The following SLCO2A1 variants were observed in gnomAD, a reference collection of about 807,000 sequenced individuals.
The protein encoded by SLCO2A1 is solute carrier organic anion transporter family member 2A1.
In SLCO2A1, 60 loss-of-function variants were observed where a neutral mutation model predicts 71.7. The ratio of observed to expected loss-of-function variants is 0.84; its 90% CI spans 0.68 to 1.04. The LOEUF (loss-of-function observed/expected upper bound fraction) is 1.04. Ranked by LOEUF, SLCO2A1 falls within the 50% of genes least tolerant of loss-of-function variation. The pLI, the probability that SLCO2A1 is intolerant of heterozygous loss-of-function variation, is 0.00. For synonymous variants in SLCO2A1, 308 were observed against 326.7 expected (o/e 0.94, Z 0.62); for missense variants, 745 against 813.4 (o/e 0.92, Z 1.02).
chr3:133,973,160 G>A (rs1332840508), intron 3 of SLCO2A1, among the ~76,000 whole-genome samples: 1 of 152,218 alleles, frequency 6.6e-6, no homozygotes, highest in Non-Finnish European at 1.5e-5. Flanking sequence ...TTCAGTGGTT[G>A]TTAAGTCATA....
At position 133,933,478 on chromosome 3, in the gene SLCO2A1, T is replaced by C. The variant is rs1131598; in HGVS notation, c.*1235A>G. The stretch of plus-strand genomic sequence containing the variant: ...TTGCACAAAGTCGGTCTCCAATAAA[T>C]ATATTTGTTGATGAATGACCTCCTT... On this transcript the variant is annotated 3_prime_UTR_variant, in exon 14 of 14. Transcript: ENST00000310926. The C allele has an allele frequency of 0.25, 37,535 of 152,096 alleles. 5,030 individuals are homozygous for C. Among genetic ancestry groups the C allele is most frequent in the East Asian group, 0.48 (2,490 of 5,164 alleles). 9.4% of individuals were successfully genotyped at this position (152,096 alleles called of 1,614,324 possible).
At chr3:133,968,000 C>T (rs1296758114) in intron 3 of SLCO2A1, among the ~76,000 whole-genome samples, 1 of 119,252 alleles carries the variant, frequency 8.4e-6, no homozygotes, top group East Asian at 2.5e-4. Context: ...AACACATGCA[C>T]ACACACTTCC....
At chr3:134,013,473 G>T (rs1382602277) in intron 1 of SLCO2A1, among the ~76,000 whole-genome samples, 1 of 152,254 alleles carries the variant, frequency 6.6e-6, no homozygotes, top group South Asian at 2.1e-4. Flanking sequence ...GCCTCATTGT[G>T]CTCTCTAGCT....
At chr3:133,945,624 C>T (rs887967320) in intron 9 of SLCO2A1, among the ~76,000 whole-genome samples, 9 of 152,114 alleles carry the variant, frequency 5.9e-5, no homozygotes, top group South Asian at 2.1e-4. Context: ...CTTCTTCAGC[C>T]GAAAAACAGT....
chr3:133,956,337 G>A (rs1419486847), intron 3 of SLCO2A1, among the ~76,000 whole-genome samples: 2 of 152,108 alleles, frequency 1.3e-5, no homozygotes, highest in Non-Finnish European at 2.9e-5. Context: ...AGGGGTCTGT[G>A]CTCTTCATTG....
At chr3:133,939,129 G>C (rs1933349407) in intron 11 of SLCO2A1, among the ~76,000 whole-genome samples, 1 of 152,218 alleles carries the variant, frequency 6.6e-6, no homozygotes, top group African/African-American at 2.4e-5. Flanking sequence ...GCAGCTGTCT[G>C]GAAATTCTTA....
In SLCO2A1 at chr3:134,005,521, G is replaced by A. The variant is rs535435594; in HGVS notation, c.96+24186C>T. Among the ~76,000 whole-genome samples the A allele has an allele frequency of 8.9e-4, 124 of 139,910 alleles. 2 individuals are homozygous for A. The highest frequency in any genetic ancestry group is 3.1e-3 in the African/African-American group (116 of 37,468). 91.8% of individuals were successfully genotyped at this position (139,910 alleles called of 152,430 possible). ...TTTTTAGACGGAGTCTTGCTCTGCT[G>A]CCCAGGCTGGAGTGCAGTGGCGCAA... On this transcript the variant is annotated intron_variant, in intron 1 of 13. Coordinates refer to ENST00000310926, the MANE Select transcript of SLCO2A1 (RefSeq NM_005630.3).
At chr3:133,966,259 T>C (rs1485102482) in intron 3 of SLCO2A1, among the ~76,000 whole-genome samples, 1 of 152,202 alleles carries the variant, frequency 6.6e-6, no homozygotes, top group Non-Finnish European at 1.5e-5. Context: ...GCACAGACCT[T>C]ATGGTATACA....
At chr3:133,977,383 C>T (rs952158411) in intron 2 of SLCO2A1, among the ~76,000 whole-genome samples, 1 of 152,204 alleles carries the variant, frequency 6.6e-6, no homozygotes, top group African/African-American at 2.4e-5. Context: ...AACCTCCTGT[C>T]TTAAGCAGAT....
intron 3 of SLCO2A1, among the ~76,000 whole-genome samples, chr3:133,965,129 A>G (rs567305642): frequency 3.6e-4 from 54 of 151,272 alleles, no homozygotes; most frequent in African/African-American, 6.1e-4. Flanking sequence ...TTAAAGGGGG[A>G]AAAAAAAACC....
intron 1 of SLCO2A1, among the ~76,000 whole-genome samples, chr3:133,983,205 T>C (rs1934633256): frequency 6.6e-6 from 1 of 152,190 alleles, no homozygotes; most frequent in Non-Finnish European, 1.5e-5. Context: ...TCTTTCTCCC[T>C]TGAGACCCTT....
At chr3:133,973,573 G>A in intron 3 of SLCO2A1, 90 bp downstream of exon 3, 3 of 1,339,090 alleles carry the variant, frequency 2.2e-6, no homozygotes, top group Non-Finnish European at 3.1e-6. Context: ...TTCCTGGAGT[G>A]GTATCCACTG....
In SLCO2A1 at chr3:133,933,339, C is replaced by G. The variant is rs1933186895; in HGVS notation, c.*1374G>C. On this transcript the variant is annotated 3_prime_UTR_variant, in exon 14 of 14. Coordinates refer to ENST00000310926, the MANE Select transcript of SLCO2A1 (RefSeq NM_005630.3). ...CTCCTGCTCTCACCAACTCCCACAC[C>G]CCCAGTCCCACACTGCCCACCGAGC... is the stretch of plus-strand genomic sequence containing the variant. 1 of 152,156 alleles carries G rather than the reference C, an allele frequency of 6.6e-6. No homozygotes were observed. Among genetic ancestry groups the G allele is most frequent in the African/African-American group, 2.4e-5 (1 of 41,366 alleles). 9.4% of individuals were successfully genotyped at this position (152,156 alleles called of 1,614,324 possible).
At position 133,943,044 on chromosome 3, in the gene SLCO2A1, C is replaced by T. The variant is rs56899816; in HGVS notation, c.1462-276G>A. On this transcript the variant is annotated intron_variant, in intron 10 of 13. Transcript: ENST00000310926. ...ATATCTGCCTCTGGATGCCCAGGAA[C>T]ACTGCCAGGTTAGGCCCCCAACCCC... 0.027 allele frequency among the ~76,000 whole-genome samples: 4,083 copies of T among 152,340 alleles called. 333 individuals carry two copies. The East Asian group carries it at 0.3, about 11-fold the overall frequency.
intron 1 of SLCO2A1, among the ~76,000 whole-genome samples, chr3:134,004,733 G>T (rs1401436050): frequency 3.3e-5 from 5 of 152,190 alleles, no homozygotes; most frequent in Non-Finnish European, 5.9e-5. Context: ...GATGGAGGAA[G>T]GGGCCACAAG....
chr3:133,985,176 G>A (rs886064898), intron 1 of SLCO2A1, among the ~76,000 whole-genome samples: 3 of 152,210 alleles, frequency 2.0e-5, no homozygotes, highest in Non-Finnish European at 1.5e-5. Flanking sequence ...TGCTTAAGAT[G>A]CTCTAGGCCA....
intron 12 of SLCO2A1, 130 bp from the exon 13 acceptor site, chr3:133,936,027 C>G (rs1158594932): frequency 1.1e-6 from 1 of 940,986 alleles, no homozygotes; most frequent in African/African-American, 1.7e-5. Flanking sequence ...ATAGGACTCA[C>G]AGTGACTCTG....
chr3:134,004,335 T>C (rs1935162922), intron 1 of SLCO2A1, among the ~76,000 whole-genome samples: 1 of 152,188 alleles, frequency 6.6e-6, no homozygotes, highest in Non-Finnish European at 1.5e-5. Flanking sequence ...AGAGTTTTTT[T>C]TGTTTTGTTT....
chr3:133,939,205 G>C (rs1193979139), intron 11 of SLCO2A1, among the ~76,000 whole-genome samples: 1 of 152,184 alleles, frequency 6.6e-6, no homozygotes, highest in African/African-American at 2.4e-5. Flanking sequence ...AGCTGGTCCT[G>C]CCCCTAACCA....
Sources: allele counts gnomAD v4.1 joint callset (sites outside exome capture counted in the v4.1 genomes callset), GRCh38; gene constraint gnomAD v4.1.1; transcripts MANE v1.5; gene names NCBI Gene and HGNC (gene_info 2026-07-23, HGNC 2026-07-21).